Variants in FAM227B observed in about 807,000 individuals in gnomAD.
FAM227B encodes the protein protein FAM227B.
A neutral mutation model predicts 73.8 loss-of-function variants in FAM227B; 88 were observed. The observed-to-expected ratio is 1.19, with a 90% CI of 1.00 to 1.42. FAM227B has a LOEUF of 1.42. FAM227B is among the 40% of genes most tolerant of loss of function. FAM227B has a pLI of 0.00. For missense variants in FAM227B, 632 were observed against 590.9 expected, an observed-to-expected ratio of 1.07 and a Z score of -0.72; for synonymous variants, 210 against 190.5, an observed-to-expected ratio of 1.10 and a Z score of -0.84.
At chr15:49,567,433 T>C (rs2074748005) in intron 9 of FAM227B, among the ~76,000 whole-genome samples, 1 of 152,094 alleles carries the variant, frequency 6.6e-6, no homozygotes, top group African/African-American at 2.4e-5. Context: ...CCCAGTCTAC[T>C]AGTGATAGTT....
chr15:49,391,284 C>T (rs2047197832), intron 11 of FAM227B, among the ~76,000 whole-genome samples: 1 of 152,036 alleles, frequency 6.6e-6, no homozygotes, highest in Admixed American at 6.6e-5. Flanking sequence ...AGAACAGAGA[C>T]CCCTCTTAGG....
chr15:49,591,826 A>G (rs762333382), intron 3 of FAM227B, among the ~76,000 whole-genome samples: 21 of 152,088 alleles, frequency 1.4e-4, no homozygotes, highest in Non-Finnish European at 2.4e-4. Context: ...GTATGTGTGC[A>G]TGTATACACA....
Position 49,541,780 on chromosome 15 carries a change from G to A in FAM227B, c.774C>T (p.Ala258=). ...FQIYPDCLAQ[A]IYATFHEAFP... is the part of the protein sequence containing the mutation. ...ATGCTTCATGGAACGTTGCATATAT[G>A]GCTTGTGCCAAACAATCAGGATATA... The change falls in exon 10 of 16, where the codon GCC becomes GCT. Residue 258 remains alanine, a synonymous_variant. Coordinates refer to ENST00000299338, the MANE Select transcript of FAM227B (RefSeq NM_152647.3). The A allele has an allele frequency of 1.3e-6, 2 of 1,512,072 alleles. No individual in the cohort carries two copies. The highest frequency in any genetic ancestry group is 1.8e-6 in the Non-Finnish European group (2 of 1,129,528). 93.7% of individuals were successfully genotyped at this position (1,512,072 alleles called of 1,614,324 possible).
intron 11 of FAM227B, among the ~76,000 whole-genome samples, chr15:49,413,638 G>T (rs564898643): frequency 1.3e-5 from 2 of 152,052 alleles, no homozygotes; most frequent in Middle Eastern, 3.4e-3. Context: ...TCTCCAAAAA[G>T]TTTTCAGAAT....
At chr15:49,531,838 T>C (rs2060631442) in intron 10 of FAM227B, among the ~76,000 whole-genome samples, 1 of 151,912 alleles carries the variant, frequency 6.6e-6, no homozygotes, top group Non-Finnish European at 1.5e-5. Flanking sequence ...ATTCATTTCC[T>C]TAAGAAGGCA....
intron 3 of FAM227B, among the ~76,000 whole-genome samples, chr15:49,590,526 T>G (rs936652247): frequency 5.9e-5 from 9 of 152,188 alleles, no homozygotes; most frequent in African/African-American, 2.2e-4. Context: ...TTTAACTTAT[T>G]TTCATTTTTT....
At position 49,356,549 on chromosome 15, in the gene FAM227B, A is replaced by G. The variant is rs371847813; in HGVS notation, c.1271+10899T>C. Among the ~76,000 whole-genome samples, 31 of 142,000 alleles carry G rather than the reference A, an allele frequency of 2.2e-4. No homozygotes were observed. In the East Asian group the frequency reaches 3.4e-3, roughly 16 times the overall value. 93.2% of individuals were successfully genotyped at this position (142,000 alleles called of 152,430 possible). ...GAAGAGCTAACTATCCTAAATATAT[A>G]TGCACCCAATACAGGAGCACCAAGA... On this transcript the variant is annotated intron_variant, in intron 13 of 15. Coordinates refer to ENST00000299338, the MANE Select transcript of FAM227B (RefSeq NM_152647.3).
At chr15:49,477,836 CA>C (rs2055494459) in intron 11 of FAM227B, among the ~76,000 whole-genome samples, 1 of 152,200 alleles carries the variant, frequency 6.6e-6, no homozygotes, top group Non-Finnish European at 1.5e-5. Context: ...TGCCAGCATA[CA>C]GCACTGTTAG....
intron 13 of FAM227B, 70 bp from the exon 14 acceptor site, chr15:49,335,566 G>A: frequency 8.9e-7 from 1 of 1,117,830 alleles, no homozygotes; most frequent in Non-Finnish European, 1.4e-6. Context: ...ACCCTTCACA[G>A]AGGAACCAAG....
In FAM227B at chr15:49,339,564, C is replaced by T. The variant is rs541602943; in HGVS notation, c.1272-4068G>A. On this transcript the variant is annotated intron_variant, in intron 13 of 15. Transcript: ENST00000299338. ...TCCTGTAGGAGGTGTCTGTTGGCCC[C>T]TACTGGGAGGTGCCTCCCAGTCAGG... Among the ~76,000 whole-genome samples, 3 of 152,254 alleles carry T rather than the reference C, an allele frequency of 2.0e-5. No individual in the cohort carries two copies. In the East Asian group the frequency reaches 5.8e-4, roughly 29 times the overall value.
At chr15:49,591,183 T>C (rs2076534155) in intron 3 of FAM227B, among the ~76,000 whole-genome samples, 1 of 151,532 alleles carries the variant, frequency 6.6e-6, no homozygotes, top group Non-Finnish European at 1.5e-5. Context: ...TAGTTGGGAC[T>C]ACAGGCACAG....
At chr15:49,357,742 C>A (rs2043424964) in intron 13 of FAM227B, among the ~76,000 whole-genome samples, 1 of 152,046 alleles carries the variant, frequency 6.6e-6, no homozygotes. Context: ...ATTTATGAGG[C>A]CAGCATCATT....
At chr15:49,476,217 G>GT (rs938833498) in intron 11 of FAM227B, among the ~76,000 whole-genome samples, 1 of 100,548 alleles carries the variant, frequency 9.9e-6, no homozygotes, top group African/African-American at 3.4e-5. Flanking sequence ...TTGCTGTTTT[G>GT]TTTTTTTGTT....
chr15:49,524,420 A>G (rs1288393495), intron 10 of FAM227B, among the ~76,000 whole-genome samples: 2 of 152,186 alleles, frequency 1.3e-5, no homozygotes, highest in Non-Finnish European at 2.9e-5. Flanking sequence ...AGGTTTGGGA[A>G]CGTCCGCCTA....
intron 11 of FAM227B, among the ~76,000 whole-genome samples, chr15:49,505,567 G>C (rs1358093049): frequency 2.0e-5 from 3 of 152,052 alleles, no homozygotes; most frequent in South Asian, 2.1e-4. Flanking sequence ...TTTAAGTTAA[G>C]TAGGACAATA....
intron 10 of FAM227B, among the ~76,000 whole-genome samples, chr15:49,518,424 G>A (rs1365592308): frequency 6.6e-6 from 1 of 152,084 alleles, no homozygotes; most frequent in Non-Finnish European, 1.5e-5. Context: ...GGAGAACACT[G>A]TATTAGTTCA....
At chr15:49,497,950 A>T (rs959952927) in intron 11 of FAM227B, among the ~76,000 whole-genome samples, 2 of 152,218 alleles carry the variant, frequency 1.3e-5, no homozygotes, top group African/African-American at 4.8e-5. Context: ...AAACTGGAAA[A>T]CAAGTAAATT....
intron 5 of FAM227B, among the ~76,000 whole-genome samples, chr15:49,579,058 C>T (rs7177877): frequency 0.011 from 1,728 of 152,166 alleles, 30 homozygotes; most frequent in African/African-American, 0.039. Flanking sequence ...CTACGAAAAA[C>T]GTTCAACATC....
At chr15:49,373,596 T>C (rs1376453270) in intron 11 of FAM227B, among the ~76,000 whole-genome samples, 1 of 152,136 alleles carries the variant, frequency 6.6e-6, no homozygotes, top group Non-Finnish European at 1.5e-5. Flanking sequence ...GAAATTTCAC[T>C]AGTGAAAAAA....
Sources: gnomAD v4.1 joint callset for allele counts (sites outside exome capture counted in the v4.1 genomes callset) on GRCh38, gnomAD v4.1.1 for gene constraint, MANE v1.5 for transcripts, NCBI Gene and HGNC (gene_info 2026-07-23, HGNC 2026-07-21) for gene names.